Variants in CMIP observed in about 807,000 individuals in gnomAD.
CMIP encodes c-Maf inducing protein.
Under a neutral mutation model 97.3 loss-of-function variants are expected in CMIP, and 13 were observed. The ratio of observed to expected loss-of-function variants is 0.13; its 90% CI spans 0.09 to 0.21. The LOEUF is 0.21. Ranked by LOEUF, CMIP falls within the 10% of genes least tolerant of loss-of-function variation. The pLI, the probability that CMIP is intolerant of heterozygous loss-of-function variation, is 1.00. For missense variants in CMIP, 847 were observed against 1,024.9 expected (o/e 0.83, Z 2.37); for synonymous variants, 538 against 436.3 (o/e 1.23, Z -2.91).
chr16:81,590,822 CTCAT>C (rs953365271), intron 1 of CMIP, among the ~76,000 whole-genome samples: 4 of 133,066 alleles, frequency 3.0e-5, no homozygotes, highest in Non-Finnish European at 6.4e-5. Flanking sequence ...CTCACTTTCT[CTCAT>C]CCATCCATCC....
Position 81,462,043 on chromosome 16 carries a change from A to T in CMIP, c.300+16502A>T, listed in dbSNP as rs76197634. Among the ~76,000 whole-genome samples, 256 of 152,292 alleles carry T rather than the reference A, an allele frequency of 1.7e-3. 4 individuals carry two copies. In the East Asian group the frequency reaches 0.041, roughly 24 times the overall value. ...CCCATGGAACTGTGTTGTCATCATT[A>T]TCTTTTACTTCTCTTCTGTCATATC... is the stretch of plus-strand genomic sequence containing the variant. On this transcript the variant is annotated intron_variant, in intron 1 of 20. Transcript: ENST00000537098.
chr16:81,644,312 G>C (rs2092338873), intron 3 of CMIP, among the ~76,000 whole-genome samples: 1 of 152,192 alleles, frequency 6.6e-6, no homozygotes. Flanking sequence ...TGTAGCCAAA[G>C]CACCGAGGCT....
intron 3 of CMIP, chr16:81,645,360 G>C: frequency 1.4e-6 from 2 of 1,437,050 alleles, no homozygotes; most frequent in African/African-American, 1.4e-5. Flanking sequence ...GCTTGGGTGT[G>C]TACGCGCGCG....
chr16:81,460,192 A>G (rs1279347368), intron 1 of CMIP, among the ~76,000 whole-genome samples: 1 of 149,146 alleles, frequency 6.7e-6, no homozygotes, highest in Non-Finnish European at 1.5e-5. Context: ...TGGAAACCCC[A>G]CCCTCCATTC....
intron 1 of CMIP, among the ~76,000 whole-genome samples, chr16:81,496,885 G>T (rs779287496): frequency 6.6e-6 from 1 of 152,280 alleles, no homozygotes; most frequent in African/African-American, 2.4e-5. Flanking sequence ...AGCCAGTGCC[G>T]CTTGGCGGGC....
intron 1 of CMIP, among the ~76,000 whole-genome samples, chr16:81,537,143 G>T (rs2090358043): frequency 6.6e-6 from 1 of 152,300 alleles, no homozygotes; most frequent in African/African-American, 2.4e-5. Context: ...TCAGAGCAGG[G>T]TCCCCCCTGC....
At chr16:81,564,579 G>A (rs1353184662) in intron 1 of CMIP, among the ~76,000 whole-genome samples, 3 of 152,214 alleles carry the variant, frequency 2.0e-5, no homozygotes, top group African/African-American at 4.8e-5. Flanking sequence ...GGAGCCAGGA[G>A]TTCTCAAGCT....
chr16:81,497,507 C>G (rs919553836), intron 1 of CMIP, among the ~76,000 whole-genome samples: 3 of 152,172 alleles, frequency 2.0e-5, no homozygotes, highest in Non-Finnish European at 4.4e-5. Flanking sequence ...GGAAGCAAGG[C>G]GACTGTCTCA....
At chr16:81,451,468 A>G (rs1335979801) in intron 1 of CMIP, among the ~76,000 whole-genome samples, 1 of 151,970 alleles carries the variant, frequency 6.6e-6, no homozygotes, top group Non-Finnish European at 1.5e-5. Flanking sequence ...GGACTAATAC[A>G]CTCTTGTTCC....
intron 3 of CMIP, among the ~76,000 whole-genome samples, chr16:81,640,532 T>C (rs1240476637): frequency 1.3e-5 from 2 of 152,158 alleles, no homozygotes; most frequent in Admixed American, 6.5e-5. Context: ...TTCCGTAAAC[T>C]GTGTTGCTTA....
chr16:81,686,960 G>A (rs148899392), intron 10 of CMIP, among the ~76,000 whole-genome samples: 88 of 152,126 alleles, frequency 5.8e-4, no homozygotes, highest in Middle Eastern at 3.4e-3. Context: ...AGGTGTCAGC[G>A]GGGCATCTCT....
chr16:81,556,015 G>A (rs2090755743), intron 1 of CMIP, among the ~76,000 whole-genome samples: 2 of 152,192 alleles, frequency 1.3e-5, no homozygotes, highest in Non-Finnish European at 1.5e-5. Context: ...TTTGAGTCCA[G>A]TCCTGGCCAA....
chr16:81,598,743 G>A (rs754903874), intron 1 of CMIP, among the ~76,000 whole-genome samples: 1 of 152,160 alleles, frequency 6.6e-6, no homozygotes, highest in Non-Finnish European at 1.5e-5. Flanking sequence ...GATGCATGCG[G>A]ATCACCTGAG....
Position 81,703,925 on chromosome 16 carries a change from C to T in CMIP, c.1945-14C>T, listed in dbSNP as rs1231795091. 8 of 1,587,836 alleles carry T rather than the reference C, an allele frequency of 5.0e-6. No individual in the cohort carries two copies. The highest frequency in any genetic ancestry group is 6.8e-6 in the Non-Finnish European group (8 of 1,170,748). On this transcript the variant is annotated splice_polypyrimidine_tract_variant and intron_variant, in intron 17 of 20. Transcript: ENST00000537098. ...CCAGCAGCACCCTCAGGCCTCTCCC[C>T]CGTCTGCCCGCAGGACGCTGACTTG...
chr16:81,635,878 T>A (rs1372628708), intron 3 of CMIP, among the ~76,000 whole-genome samples: 9 of 151,990 alleles, frequency 5.9e-5, no homozygotes, highest in African/African-American at 1.9e-4. Flanking sequence ...TATTATTATT[T>A]GGCTCTTAGG....
At position 81,626,814 on chromosome 16, in the gene CMIP, T is replaced by TGGGG. The variant is rs1330110229; in HGVS notation, c.477+5889_477+5890insGGGG. The stretch of plus-strand genomic sequence containing the variant: ...GTGTGTGTGTGTGTGTGTGTGTGTG[T>TGGGG]GTGGGGTGCATATGGGGTGACTATT... On this transcript the variant is annotated intron_variant, in intron 3 of 20. Transcript: ENST00000537098. Among the ~76,000 whole-genome samples, 39 of 120,752 alleles carry TGGGG rather than the reference T, an allele frequency of 3.2e-4. 1 individual carries two copies. Among genetic ancestry groups the TGGGG allele is most frequent in the East Asian group, 1.3e-3 (4 of 3,022 alleles). The allele number at this position is 120,752 out of a possible 152,430, so 79.2% of individuals were successfully genotyped here. A position where few individuals can be genotyped will look rare whatever the true frequency, so the allele number is the denominator to read the frequency against.
chr16:81,596,379 G>T (rs929301594), intron 1 of CMIP, among the ~76,000 whole-genome samples: 1 of 151,744 alleles, frequency 6.6e-6, no homozygotes, highest in African/African-American at 2.4e-5. Flanking sequence ...GGTGGGGCAC[G>T]CCTATAGTCC....
At position 81,480,975 on chromosome 16, in the gene CMIP, C is replaced by G. The variant is rs1376381377; in HGVS notation, c.300+35434C>G. Among the ~76,000 whole-genome samples the G allele has an allele frequency of 3.9e-5, 6 of 152,180 alleles. No individual in the cohort carries two copies. In the East Asian group the frequency reaches 1.2e-3, roughly 29 times the overall value. ...CAGTGTTTTCACGGGATGGCTTTGA[C>G]ATCGGTGAGAGCTGCTCTGCCCAGT... On this transcript the variant is annotated intron_variant, in intron 1 of 20. Transcript: ENST00000537098.
At chr16:81,532,319 G>A (rs980009907) in intron 1 of CMIP, among the ~76,000 whole-genome samples, 1 of 152,210 alleles carries the variant, frequency 6.6e-6, no homozygotes, top group African/African-American at 2.4e-5. Flanking sequence ...CTGCGTGTGC[G>A]TGTATGTTCC....
Sources: allele counts gnomAD v4.1 joint callset (sites outside exome capture counted in the v4.1 genomes callset), GRCh38; gene constraint gnomAD v4.1.1; transcripts MANE v1.5; gene names NCBI Gene and HGNC (gene_info 2026-07-23, HGNC 2026-07-21).